Variants in TMEM132C observed in about 807,000 individuals in gnomAD.
TMEM132C encodes protein phosphatase 1, regulatory subunit 152.
A neutral mutation model predicts 61.4 loss-of-function variants in TMEM132C; 29 were observed. The ratio of observed to expected loss-of-function variants is 0.47; its 90% CI spans 0.35 to 0.64. The LOEUF is 0.64. Ranked by LOEUF, TMEM132C falls within the 30% of genes least tolerant of loss-of-function variation. The probability of loss-of-function intolerance (pLI) is 0.00; values close to 1 mark genes in which losing one functional copy is unlikely to be tolerated. For missense variants in TMEM132C, 1,408 were observed against 1,476.9 expected (o/e 0.95, Z 0.76); for synonymous variants, 656 against 633.1 (o/e 1.04, Z -0.54).
rs371806996 is a variant in TMEM132C, at chr12:128,607,591, G to A, written c.1122-8561G>A. Reference sequence around the variant, plus strand: ...AAGGTGGTGGGAAGTGCTCAGGTTCGGGATATGTTTTCAAGATAATCCTGT... The same window carrying A: ...AAGGTGGTGGGAAGTGCTCAGGTTCAGGATATGTTTTCAAGATAATCCTGT... On this transcript the variant is annotated intron_variant, in intron 3 of 8. Transcript: ENST00000435159. 7.9e-5 allele frequency among the ~76,000 whole-genome samples: 12 copies of A among 152,266 alleles called. No individual in the cohort carries two copies. In the South Asian group the frequency reaches 2.1e-3, roughly 26 times the overall value.
chr12:128,629,366 A>T (rs796717757), intron 4 of TMEM132C, among the ~76,000 whole-genome samples: 23 of 152,278 alleles, frequency 1.5e-4, no homozygotes, highest in African/African-American at 4.3e-4. Flanking sequence ...AAAATTTTTT[A>T]AAAATGAGGC....
chr12:128,406,398 A>G (rs1416844621), intron 1 of TMEM132C, among the ~76,000 whole-genome samples: 1 of 152,196 alleles, frequency 6.6e-6, no homozygotes, highest in African/African-American at 2.4e-5. Context: ...CCTTTTTCCC[A>G]TGGAGCTTCC....
chr12:128,567,540 C>A (rs561157396), intron 3 of TMEM132C, among the ~76,000 whole-genome samples: 9 of 151,754 alleles, frequency 5.9e-5, no homozygotes, highest in Non-Finnish European at 1.0e-4. Flanking sequence ...GTATGTATAT[C>A]CAGTCATCAT....
chr12:128,507,406 T>C (rs868821559), intron 2 of TMEM132C, among the ~76,000 whole-genome samples: 35 of 138,402 alleles, frequency 2.5e-4, no homozygotes, highest in South Asian at 6.5e-4. Context: ...TTCTTTCTTT[T>C]TTTTTTTTTT....
chr12:128,325,346 A>G (rs1480715525), intron 1 of TMEM132C, among the ~76,000 whole-genome samples: 1 of 152,174 alleles, frequency 6.6e-6, no homozygotes, highest in Non-Finnish European at 1.5e-5. Context: ...CAGAAAGGTA[A>G]ACATGAACAT....
rs556954527 is a variant in TMEM132C at position 128,695,902 on chromosome 12, C to T, written c.1728C>T (p.His576=). ...GGGGCTGCGCACTGCAATACCAGCA[C>T]GCCACCGTGCGGGTCCTCACCCAGT... ...RGRGCALQYQ[H]ATVRVLTQFV... Residue 576 remains histidine, a synonymous_variant, in exon 7 of 9, where the codon CAC becomes CAT. Coordinates refer to ENST00000435159, the MANE Select transcript of TMEM132C (RefSeq NM_001136103.3). The T allele has an allele frequency of 1.2e-4, 189 of 1,551,538 alleles. 1 individual carries two copies. The East Asian group carries it at 2.6e-3, about 21-fold the overall frequency.
chr12:128,303,488 C>G (rs1166361984), intron 1 of TMEM132C, among the ~76,000 whole-genome samples: 1 of 152,172 alleles, frequency 6.6e-6, no homozygotes, highest in African/African-American at 2.4e-5. Context: ...AACTTCAGAC[C>G]TGTCTCTTAA....
chr12:128,686,179 C>T (rs575986813), intron 5 of TMEM132C, among the ~76,000 whole-genome samples: 5 of 151,996 alleles, frequency 3.3e-5, no homozygotes, highest in Admixed American at 1.3e-4. Flanking sequence ...GTAGTGTTGG[C>T]GGCACTGGGT....
chr12:128,426,371 C>T (rs909784880), intron 2 of TMEM132C, among the ~76,000 whole-genome samples: 2 of 152,200 alleles, frequency 1.3e-5, no homozygotes, highest in African/African-American at 2.4e-5. Flanking sequence ...TTCTTTCCTA[C>T]TGGGCATAAT....
intron 3 of TMEM132C, among the ~76,000 whole-genome samples, chr12:128,574,729 A>G (rs1385441429): frequency 6.6e-6 from 1 of 152,210 alleles, no homozygotes; most frequent in Admixed American, 6.5e-5. Context: ...AAACCATGCT[A>G]CCTTGGGGCA....
intron 2 of TMEM132C, among the ~76,000 whole-genome samples, chr12:128,478,493 T>C (rs376800074): frequency 5.2e-4 from 79 of 152,322 alleles, no homozygotes; most frequent in Middle Eastern, 6.8e-3. Flanking sequence ...AGAAATTTCA[T>C]TGGCTGGACT....
chr12:128,476,696 CA>C (rs111632724), intron 2 of TMEM132C, among the ~76,000 whole-genome samples: 10,908 of 152,238 alleles, frequency 0.072, 443 homozygotes, highest in Middle Eastern at 0.11. Context: ...ACAGTACAAG[CA>C]GTCATTTAGG....
intron 2 of TMEM132C, among the ~76,000 whole-genome samples, chr12:128,523,678 A>T (rs1872983092): frequency 6.6e-6 from 1 of 152,114 alleles, no homozygotes; most frequent in Admixed American, 6.6e-5. Context: ...CCATGTCAGA[A>T]AAATCTGTAA....
At position 128,645,105 on chromosome 12, in the gene TMEM132C, G is replaced by A. The variant is rs559683233; in HGVS notation, c.1306-24312G>A. 4.6e-5 allele frequency among the ~76,000 whole-genome samples: 7 copies of A among 152,254 alleles called. No homozygotes were observed. The East Asian group carries it at 1.2e-3, about 25-fold the overall frequency. On this transcript the variant is annotated intron_variant, in intron 4 of 8. Transcript: ENST00000435159. ...GCCTTCACTGAAACAGATCAGAGGC[G>A]ACCCTGAGGGGGGACTCCTGGCCGC...
intron 1 of TMEM132C, among the ~76,000 whole-genome samples, chr12:128,396,702 C>G (rs1179708960): frequency 6.6e-6 from 1 of 152,064 alleles, no homozygotes; most frequent in African/African-American, 2.4e-5. Context: ...TAAGAAGCTC[C>G]TATAGATGGG....
At chr12:128,343,265 A>T (rs1488420742) in intron 1 of TMEM132C, among the ~76,000 whole-genome samples, 1 of 152,066 alleles carries the variant, frequency 6.6e-6, no homozygotes, top group Admixed American at 6.5e-5. Context: ...CTCTACTAAA[A>T]ATACAAAAAT....
chr12:128,610,446 T>C (rs369153060), intron 3 of TMEM132C, among the ~76,000 whole-genome samples: 108 of 152,326 alleles, frequency 7.1e-4, no homozygotes, highest in African/African-American at 2.2e-3. Context: ...GTCCAAACTT[T>C]ATTGTGACTG....
At chr12:128,364,311 CT>C (rs1330956614) in intron 1 of TMEM132C, among the ~76,000 whole-genome samples, 1 of 149,438 alleles carries the variant, frequency 6.7e-6, no homozygotes, top group African/African-American at 2.5e-5. Flanking sequence ...CTCTCTCCCC[CT>C]CCTCCCCTCC....
At chr12:128,498,597 C>T (rs1056383001) in intron 2 of TMEM132C, among the ~76,000 whole-genome samples, 1 of 152,014 alleles carries the variant, frequency 6.6e-6, no homozygotes, top group African/African-American at 2.4e-5. Context: ...ATTGCTTGAA[C>T]CTGGGAGACA....
Sources: allele counts gnomAD v4.1 joint callset (sites outside exome capture counted in the v4.1 genomes callset), GRCh38; gene constraint gnomAD v4.1.1; transcripts MANE v1.5; gene names NCBI Gene and HGNC (gene_info 2026-07-23, HGNC 2026-07-21).